The following SYT9 variants were observed in gnomAD, a reference collection of about 807,000 sequenced individuals.
SYT9 encodes synaptotagmin-9.
Under a neutral mutation model 48.4 loss-of-function variants are expected in SYT9, and 22 were observed. That is an observed-to-expected ratio of 0.45 (90% CI 0.32 to 0.65). The LOEUF (loss-of-function observed/expected upper bound fraction) is 0.65, where lower values mean the gene tolerates loss of function less well. SYT9 is among the 30% of genes least tolerant of loss of function. The pLI, the probability that SYT9 is intolerant of heterozygous loss-of-function variation, is 0.03. For synonymous variants in SYT9, 265 were observed against 245.0 expected (o/e 1.08, Z -0.76); for missense variants, 577 against 622.0 (o/e 0.93, Z 0.77).
At chr11:7,310,052 GA>G (rs1849103087) in intron 2 of SYT9, among the ~76,000 whole-genome samples, 1 of 152,178 alleles carries the variant, frequency 6.6e-6, no homozygotes, top group Admixed American at 6.5e-5. Context: ...AAAGTGTTGG[GA>G]ATGAAATTAT....
intron 3 of SYT9, among the ~76,000 whole-genome samples, chr11:7,331,924 AC>A (rs1201927562): frequency 6.6e-6 from 1 of 152,190 alleles, no homozygotes; most frequent in Non-Finnish European, 1.5e-5. Flanking sequence ...GAAGTCTGTA[AC>A]TATATTCCTA....
chr11:7,348,688 C>CT (rs34752256), intron 3 of SYT9, among the ~76,000 whole-genome samples: 17,465 of 46,018 alleles, frequency 0.38, 5,437 homozygotes, highest in East Asian at 0.73. Flanking sequence ...ATCAGACCTC[C>CT]TTTTTTTTTT....
chr11:7,250,563 A>G (rs1407572810), upstream of SYT9, among the ~76,000 whole-genome samples: 1 of 149,868 alleles, frequency 6.7e-6, no homozygotes, highest in Non-Finnish European at 1.5e-5. Flanking sequence ...AACCTCCCCT[A>G]CAGGCTCCCT....
At chr11:7,466,174 C>G (rs560194061) in intron 6 of SYT9, among the ~76,000 whole-genome samples, 2 of 152,336 alleles carry the variant, frequency 1.3e-5, no homozygotes, top group African/African-American at 4.8e-5. Context: ...GACCCTTCTT[C>G]TTTCCAGAGG....
intron 6 of SYT9, among the ~76,000 whole-genome samples, chr11:7,459,096 G>A (rs1848199354): frequency 6.6e-6 from 1 of 152,360 alleles, no homozygotes; most frequent in African/African-American, 2.4e-5. Context: ...AGGGTTTTCT[G>A]TAGGGTATGA....
intron 1 of SYT9, among the ~76,000 whole-genome samples, chr11:7,240,290 A>G (rs910179626): frequency 5.3e-5 from 8 of 152,172 alleles, no homozygotes; most frequent in Non-Finnish European, 8.8e-5. Flanking sequence ...ACCAGATTCC[A>G]CATTTTAACT....
chr11:7,337,481 T>C (rs1849649167), intron 3 of SYT9, among the ~76,000 whole-genome samples: 1 of 152,190 alleles, frequency 6.6e-6, no homozygotes, highest in African/African-American at 2.4e-5. Context: ...ATCCATTCAG[T>C]ATTATGTTGC....
chr11:7,425,248 A>G (rs1393687223), intron 6 of SYT9, among the ~76,000 whole-genome samples: 1 of 152,210 alleles, frequency 6.6e-6, no homozygotes, highest in Non-Finnish European at 1.5e-5. Context: ...GAGTTTTGGG[A>G]GTAGACTTCT....
At chr11:7,415,836 G>A (rs1323817671) in intron 3 of SYT9, among the ~76,000 whole-genome samples, 1 of 152,138 alleles carries the variant, frequency 6.6e-6, no homozygotes, top group Non-Finnish European at 1.5e-5. Flanking sequence ...TCCAAAGATA[G>A]GCTGTGCCTC....
intron 3 of SYT9, among the ~76,000 whole-genome samples, chr11:7,381,167 T>G (rs961043397): frequency 6.6e-6 from 1 of 152,172 alleles, no homozygotes; most frequent in African/African-American, 2.4e-5. Flanking sequence ...CATAAGGGTA[T>G]CAGGAGAGAG....
At position 7,432,514 on chromosome 11, in the gene SYT9, T is replaced by C. The variant is rs1442143396; in HGVS notation, c.1467+11879T>C. ...GTGAGCTGAGATTGTGCCATTGCAC[T>C]CCACCCTGGGCAACAAGAGTGAGAC... On this transcript the variant is annotated intron_variant, in intron 6 of 6. Transcript: ENST00000318881. Among the ~76,000 whole-genome samples, 4 of 134,054 alleles carry C rather than the reference T, an allele frequency of 3.0e-5. No homozygotes were observed. The Admixed American group carries it at 3.3e-4, about 11-fold the overall frequency. The allele number at this position is 134,054 out of a possible 152,430, so 87.9% of individuals were successfully genotyped here. A position where few individuals can be genotyped will look rare whatever the true frequency, so the allele number is the denominator to read the frequency against.
intron 3 of SYT9, among the ~76,000 whole-genome samples, chr11:7,388,508 T>C (rs1850703289): frequency 6.6e-6 from 1 of 152,150 alleles, no homozygotes; most frequent in African/African-American, 2.4e-5. Flanking sequence ...TGTTCTTGTA[T>C]TTATTTCCTT....
intron 1 of SYT9, among the ~76,000 whole-genome samples, chr11:7,284,120 T>C (rs1360208499): frequency 1.3e-5 from 2 of 152,332 alleles, no homozygotes; most frequent in African/African-American, 4.8e-5. Flanking sequence ...ATAAAATACT[T>C]AGGATATTTC....
chr11:7,440,016 CTAT>C (rs1273676344), intron 6 of SYT9: 2 of 152,184 alleles, frequency 1.3e-5, no homozygotes, highest in Non-Finnish European at 2.9e-5. Flanking sequence ...GAATCCATTT[CTAT>C]TATTGTTCCA....
rs756533497 is a variant in SYT9, at chr11:7,303,401, C to G, written c.497+11C>G. The G allele has an allele frequency of 1.3e-6, 2 of 1,590,376 alleles. No individual in the cohort carries two copies. The highest frequency in any genetic ancestry group is 2.3e-5 in the East Asian group (1 of 44,194). ...AACCTCGTCGGCCCGGTCAGTAATG[C>G]CTTCTCCTTTCTGAATGCAAGGAAG... On this transcript the variant is annotated intron_variant, in intron 2 of 6. Coordinates refer to ENST00000318881, the MANE Select transcript of SYT9 (RefSeq NM_175733.4).
intron 6 of SYT9, among the ~76,000 whole-genome samples, chr11:7,446,337 G>C (rs1377885984): frequency 2.0e-5 from 3 of 152,206 alleles, no homozygotes; most frequent in Non-Finnish European, 2.9e-5. Context: ...ACACTTACAA[G>C]AGTGCCTAGT....
At chr11:7,293,982 C>A (rs1235011825) in intron 1 of SYT9, among the ~76,000 whole-genome samples, 1 of 152,180 alleles carries the variant, frequency 6.6e-6, no homozygotes, top group African/African-American at 2.4e-5. Flanking sequence ...GCTACTATAA[C>A]AGAATGCAAT....
chr11:7,405,847 T>G (rs1327815568), intron 3 of SYT9, among the ~76,000 whole-genome samples: 1 of 152,222 alleles, frequency 6.6e-6, no homozygotes, highest in Non-Finnish European at 1.5e-5. Flanking sequence ...AGGATTTATT[T>G]TACAAGCACT....
At chr11:7,298,032 A>G (rs981068870) in intron 1 of SYT9, among the ~76,000 whole-genome samples, 1 of 151,980 alleles carries the variant, frequency 6.6e-6, no homozygotes, top group Non-Finnish European at 1.5e-5. Context: ...TGCTCAGCGG[A>G]CCCCTATCAA....
Sources: gnomAD v4.1 joint callset for allele counts (sites outside exome capture counted in the v4.1 genomes callset) on GRCh38, gnomAD v4.1.1 for gene constraint, MANE v1.5 for transcripts, NCBI Gene and HGNC (gene_info 2026-07-23, HGNC 2026-07-21) for gene names.